Variants in TFAP2D observed in about 807,000 individuals in gnomAD.
The protein encoded by TFAP2D is transcription factor AP-2 delta.
In TFAP2D, 9 loss-of-function variants were observed where a neutral mutation model predicts 43.6. That is an observed-to-expected ratio of 0.21 (90% CI 0.12 to 0.36). TFAP2D has a LOEUF of 0.36. Ranked by LOEUF, TFAP2D falls within the 10% of genes least tolerant of loss-of-function variation. TFAP2D has a pLI of 1.00. For missense variants in TFAP2D, 513 were observed against 561.4 expected, an observed-to-expected ratio of 0.91 and a Z score of 0.87; for synonymous variants, 256 against 224.9, an observed-to-expected ratio of 1.14 and a Z score of -1.24.
chr6:50,746,714 A>G (rs1422340822), intron 6 of TFAP2D, among the ~76,000 whole-genome samples: 1 of 152,206 alleles, frequency 6.6e-6, no homozygotes. Context: ...CTTCTTATGT[A>G]ACATAGGACT....
intron 5 of TFAP2D, among the ~76,000 whole-genome samples, chr6:50,739,574 CT>C (rs1374430730): frequency 1.3e-5 from 2 of 152,064 alleles, no homozygotes; most frequent in African/African-American, 4.8e-5. Flanking sequence ...GAAAGCCTGC[CT>C]TCAAGTATAG....
intron 1 of TFAP2D, among the ~76,000 whole-genome samples, 180 bp from the exon 2 acceptor site, chr6:50,714,936 T>A (rs934744826): frequency 3.3e-5 from 5 of 152,094 alleles, no homozygotes; most frequent in African/African-American, 1.2e-4. Context: ...CCAGTTCGCC[T>A]GTTTGCAAAG....
At chr6:50,737,335 T>A (rs9349552) in intron 5 of TFAP2D, among the ~76,000 whole-genome samples, 46,211 of 152,028 alleles carry the variant, frequency 0.3, 7,200 homozygotes, top group East Asian at 0.43. Flanking sequence ...CTTAGTGATG[T>A]CTAACTTTTA....
At chr6:50,725,630 G>A (rs1290439174) in intron 3 of TFAP2D, among the ~76,000 whole-genome samples, 6 of 152,202 alleles carry the variant, frequency 3.9e-5, no homozygotes, top group African/African-American at 9.7e-5. Context: ...GATGACTACT[G>A]TAAATGGCTT....
At chr6:50,768,994 C>T (rs1053423597) in intron 7 of TFAP2D, among the ~76,000 whole-genome samples, 1 of 148,446 alleles carries the variant, frequency 6.7e-6, no homozygotes, top group Non-Finnish European at 1.5e-5. Flanking sequence ...TGGGTTCAAG[C>T]GGTTCTCCTG....
Position 50,746,209 on chromosome 6 carries a change from T to C in TFAP2D, c.1025+961T>C, listed in dbSNP as rs561043811. On this transcript the variant is annotated intron_variant, in intron 6 of 7. Transcript: ENST00000008391. ...TAAACTGTCATTTATGAACTAATTT[T>C]TTATTCAGGGAAAAGTATTTTGTTT... Among the ~76,000 whole-genome samples, 9 of 151,850 alleles carry C rather than the reference T, an allele frequency of 5.9e-5. No homozygotes were observed. In the East Asian group the frequency reaches 1.2e-3, roughly 20 times the overall value.
At chr6:50,727,379 C>T (rs918295153) in intron 3 of TFAP2D, among the ~76,000 whole-genome samples, 2 of 152,096 alleles carry the variant, frequency 1.3e-5, no homozygotes, top group Admixed American at 6.5e-5. Flanking sequence ...GGGAAAATAC[C>T]AGAATCTGAA....
At chr6:50,717,218 C>G (rs1207401952) in intron 2 of TFAP2D, among the ~76,000 whole-genome samples, 1 of 152,168 alleles carries the variant, frequency 6.6e-6, no homozygotes, top group Non-Finnish European at 1.5e-5. Context: ...CGGATTAGAA[C>G]ATTTGCAAGC....
intron 1 of TFAP2D, 147 bp downstream of exon 1, chr6:50,714,241 G>T: frequency 3.2e-6 from 3 of 941,958 alleles, no homozygotes; most frequent in Non-Finnish European, 4.7e-6. Flanking sequence ...GTCTTTCGGG[G>T]GAAGTTAAGG....
intron 6 of TFAP2D, among the ~76,000 whole-genome samples, chr6:50,750,572 A>G (rs1048254466): frequency 6.6e-6 from 1 of 151,984 alleles, no homozygotes; most frequent in Non-Finnish European, 1.5e-5. Flanking sequence ...GAAACCAATG[A>G]CCAAAAACCA....
chr6:50,762,542 A>G (rs1461759926), intron 7 of TFAP2D, among the ~76,000 whole-genome samples: 1 of 152,106 alleles, frequency 6.6e-6, no homozygotes, highest in Non-Finnish European at 1.5e-5. Flanking sequence ...TGAATTCAGT[A>G]AACAGTTACC....
chr6:50,764,291 A>C (rs1769410354), intron 7 of TFAP2D, among the ~76,000 whole-genome samples: 1 of 152,212 alleles, frequency 6.6e-6, no homozygotes, highest in African/African-American at 2.4e-5. Flanking sequence ...CCAGCTTTAA[A>C]GATTGAGCTC....
chr6:50,729,741 G>C (rs1477223049), intron 5 of TFAP2D, among the ~76,000 whole-genome samples: 1 of 152,094 alleles, frequency 6.6e-6, no homozygotes, highest in African/African-American at 2.4e-5. Context: ...GCATGATACT[G>C]AGCCTGAAAG....
At chr6:50,752,746 C>G (rs1437892235) in intron 7 of TFAP2D, among the ~76,000 whole-genome samples, 1 of 151,828 alleles carries the variant, frequency 6.6e-6, no homozygotes, top group Non-Finnish European at 1.5e-5. Flanking sequence ...CTCAACTGAG[C>G]TAGTGATAGA....
At chr6:50,741,275 A>G (rs1029370922) in intron 5 of TFAP2D, among the ~76,000 whole-genome samples, 32 of 152,192 alleles carry the variant, frequency 2.1e-4, no homozygotes, top group Admixed American at 1.6e-3. Flanking sequence ...ACACCCATGT[A>G]CCCTACTTCT....
intron 5 of TFAP2D, among the ~76,000 whole-genome samples, chr6:50,732,137 T>C (rs1230332032): frequency 6.6e-6 from 1 of 152,090 alleles, no homozygotes; most frequent in East Asian, 1.9e-4. Context: ...CATTTTTATT[T>C]TCAAAAATTC....
At chr6:50,717,016 C>T (rs772704521) in intron 2 of TFAP2D, among the ~76,000 whole-genome samples, 2 of 152,202 alleles carry the variant, frequency 1.3e-5, no homozygotes, top group African/African-American at 2.4e-5. Flanking sequence ...TAATTTTATA[C>T]GCTCAGGGCA....
intron 2 of TFAP2D, among the ~76,000 whole-genome samples, chr6:50,717,162 A>AT (rs929349479): frequency 6.6e-6 from 1 of 151,978 alleles, no homozygotes; most frequent in Non-Finnish European, 1.5e-5. Context: ...ATCTGTACAA[A>AT]TTTTTTTTCT....
At chr6:50,754,224 A>G (rs1317911242) in intron 7 of TFAP2D, among the ~76,000 whole-genome samples, 1 of 151,746 alleles carries the variant, frequency 6.6e-6, no homozygotes, top group Admixed American at 6.6e-5. Flanking sequence ...ATCATACAGT[A>G]TTTGCCTTTT....
Sources: gnomAD v4.1 joint callset for allele counts (sites outside exome capture counted in the v4.1 genomes callset) on GRCh38, gnomAD v4.1.1 for gene constraint, MANE v1.5 for transcripts, NCBI Gene and HGNC (gene_info 2026-07-23, HGNC 2026-07-21) for gene names.